AHI1: variants seen among roughly 807,000 people sequenced by gnomAD.
AHI1 encodes Abelson helper integration site 1, also known as jouberin.
AHI1 carries 123 observed loss-of-function variants against 149.3 expected under a neutral mutation model. That is an observed-to-expected ratio of 0.82 (90% confidence interval 0.71 to 0.96). AHI1 has a LOEUF of 0.96. AHI1 is among the 40% of genes least tolerant of loss of function. AHI1 has a pLI of 0.00. For synonymous variants in AHI1, 475 were observed against 459.8 expected, an observed-to-expected ratio of 1.03 and a Z score of -0.42; for missense variants, 1,439 against 1,422.7, an observed-to-expected ratio of 1.01 and a Z score of -0.18.
intron 20 of AHI1, among the ~76,000 whole-genome samples, chr6:135,422,227 T>C (rs1221572685): frequency 6.6e-6 from 1 of 152,142 alleles, no homozygotes; most frequent in Non-Finnish European, 1.5e-5. Context: ...TATATTAAAA[T>C]TTAATGAGGC....
intron 24 of AHI1, among the ~76,000 whole-genome samples, chr6:135,325,584 A>G (rs1160368103): frequency 1.3e-5 from 2 of 152,220 alleles, no homozygotes; most frequent in African/African-American, 2.4e-5. Flanking sequence ...GAGGTATTTG[A>G]TGTCCAGAGA....
At chr6:135,330,022 C>A (rs1788302826) in intron 24 of AHI1, among the ~76,000 whole-genome samples, 1 of 152,218 alleles carries the variant, frequency 6.6e-6, no homozygotes, top group Non-Finnish European at 1.5e-5. Flanking sequence ...ATAAAGAGTT[C>A]TTTCTTATGG....
intron 24 of AHI1, among the ~76,000 whole-genome samples, chr6:135,327,373 C>G (rs1431418821): frequency 1.3e-5 from 2 of 152,224 alleles, no homozygotes; most frequent in African/African-American, 4.8e-5. Context: ...ACTCTACAAC[C>G]AGCATCCTTG....
At chr6:135,446,919 A>T in intron 13 of AHI1, 89 bp downstream of exon 13, 1 of 1,319,860 alleles carries the variant, frequency 7.6e-7, no homozygotes, top group South Asian at 1.9e-5. Context: ...AAGCATTTTA[A>T]GTAGTAAGCT....
In AHI1 at chr6:135,431,282, C is replaced by A. The variant is rs755688765; in HGVS notation, c.2299G>T (p.Val767Leu). The change falls in exon 17 of 29, where the codon GTG (valine) becomes TTG (leucine). Residue 767 changes from valine to leucine, a missense_variant. By Grantham distance (32) the Val-to-Leu change is conservative. Coordinates refer to ENST00000265602, the MANE Select transcript of AHI1 (RefSeq NM_001134831.2). ...ACATAGGTATTCCAAACAACAATCA[C>A]CCCTGTACAATCTCCTGAATACATA... is the stretch of plus-strand genomic sequence containing the variant. ...HHMYSGDCTG[V>L]IVVWNTYVKI... 3.1e-5 allele frequency: 50 copies of A among 1,607,980 alleles called. No individual in the cohort carries two copies. The Middle Eastern group carries it at 6.6e-4, about 21-fold the overall frequency.
intron 2 of AHI1, among the ~76,000 whole-genome samples, 199 bp downstream of exon 2, chr6:135,496,989 G>A (rs1046584610): frequency 3.7e-4 from 56 of 152,298 alleles, no homozygotes; most frequent in African/African-American, 1.3e-3. Context: ...TGCAACAGGT[G>A]AAAAAATCGT....
chr6:135,420,507 C>A lies in AHI1; in HGVS notation c.2764+6660G>T, dbSNP rs1442979403. Among the ~76,000 whole-genome samples, 5 of 152,286 alleles carry A rather than the reference C, an allele frequency of 3.3e-5. No homozygotes were observed. In the East Asian group the frequency reaches 9.6e-4, roughly 29 times the overall value. On this transcript the variant is annotated intron_variant, in intron 20 of 28. Coordinates refer to ENST00000265602, the MANE Select transcript of AHI1 (RefSeq NM_001134831.2). ...TCATCAATGATCTCAGCTAGATCTT[C>A]TGGATAACTTGCTACAGCTTCTAGA...
Position 135,466,101 on chromosome 6 carries a change from G to A in AHI1, c.462C>T (p.His154=), listed in dbSNP as rs1265560624. Residue 154 remains histidine, a synonymous_variant, in exon 7 of 29, where the codon CAC becomes CAT. Coordinates refer to ENST00000265602, the MANE Select transcript of AHI1 (RefSeq NM_001134831.2). ...GCTGTGGCTTTGTATGTGTTTTCTG[G>A]TGTGTAGAATCAACCTTATTCTCAG... ...ETPENKVDST[H]QKTHTKPQPG... 1.2e-6 allele frequency: 2 copies of A among 1,613,820 alleles called. No individual in the cohort carries two copies. Among genetic ancestry groups the A allele is most frequent in the South Asian group, 2.2e-5 (2 of 91,068 alleles).
At chr6:135,348,591 T>C (rs964814353) in intron 24 of AHI1, among the ~76,000 whole-genome samples, 1 of 152,134 alleles carries the variant, frequency 6.6e-6, no homozygotes, top group African/African-American at 2.4e-5. Context: ...GGAAAAAAAA[T>C]TGTTGCCATT....
chr6:135,405,627 G>A (rs1028357747), intron 21 of AHI1, among the ~76,000 whole-genome samples: 16 of 151,992 alleles, frequency 1.1e-4, no homozygotes, highest in East Asian at 1.9e-4. Flanking sequence ...TTGGGAGGCC[G>A]AGGCAGGCAG....
intron 21 of AHI1, among the ~76,000 whole-genome samples, chr6:135,408,731 G>GT (rs1781162981): frequency 6.6e-6 from 1 of 152,102 alleles, no homozygotes; most frequent in African/African-American, 2.4e-5. Flanking sequence ...ATTAAAGAAG[G>GT]TAAGAATAAA....
chr6:135,341,483 T>C (rs750237311), intron 24 of AHI1, among the ~76,000 whole-genome samples: 19 of 152,018 alleles, frequency 1.2e-4, no homozygotes, highest in Non-Finnish European at 2.5e-4. Flanking sequence ...TAATCAATGC[T>C]GTAATAGATG....
intron 20 of AHI1, among the ~76,000 whole-genome samples, chr6:135,414,640 T>C (rs979501043): frequency 2.0e-5 from 3 of 151,830 alleles, no homozygotes; most frequent in Admixed American, 6.6e-5. Context: ...GAAAAGACAA[T>C]TTACTGAAGA....
chr6:135,486,775 GTAT>G (rs1794538756), intron 5 of AHI1, among the ~76,000 whole-genome samples: 4 of 151,898 alleles, frequency 2.6e-5, no homozygotes, highest in Admixed American at 6.6e-5. Context: ...TTTATTATTA[GTAT>G]TATTTTTGAG....
chr6:135,455,653 G>A, intron 10 of AHI1, 81 bp downstream of exon 10: 3 of 1,106,026 alleles, frequency 2.7e-6, no homozygotes, highest in Non-Finnish European at 3.6e-6. Flanking sequence ...TGCCTTACTG[G>A]ACTACTAAAA....
intron 5 of AHI1, chr6:135,490,417 T>A (rs774782668): frequency 1.8e-5 from 12 of 662,416 alleles, no homozygotes; most frequent in Non-Finnish European, 2.9e-5. Flanking sequence ...GTTCTTCCTG[T>A]AGGACAGCAC....
At position 135,378,327 on chromosome 6, in the gene AHI1, TC is replaced by T. The variant is rs1262044194; in HGVS notation, c.3109+16448del. Among the ~76,000 whole-genome samples the T allele has an allele frequency of 4.6e-5, 7 of 152,364 alleles. No individual in the cohort carries two copies. In the South Asian group the frequency reaches 1.0e-3, roughly 23 times the overall value. On this transcript the variant is annotated intron_variant, in intron 23 of 28. Coordinates refer to ENST00000265602, the MANE Select transcript of AHI1 (RefSeq NM_001134831.2). ...ATAAAGTTAGCAGATTTAATAGACT[TC>T]TAAACTAATGCCCAAATAATTTAAT...
intron 17 of AHI1, 145 bp from the exon 18 acceptor site, chr6:135,430,145 C>T (rs963466661): frequency 1.1e-5 from 6 of 543,962 alleles, no homozygotes; most frequent in South Asian, 5.3e-5. Flanking sequence ...TTCTGAGTAA[C>T]GTCAGTTTAG....
At chr6:135,447,532 A>C (rs1787429853) in intron 12 of AHI1, among the ~76,000 whole-genome samples, 1 of 152,202 alleles carries the variant, frequency 6.6e-6, no homozygotes, top group African/African-American at 2.4e-5. Context: ...TAAAAATCTC[A>C]AGTTTTAAAA....
Sources: allele counts gnomAD v4.1 joint callset (sites outside exome capture counted in the v4.1 genomes callset), GRCh38; gene constraint gnomAD v4.1.1; transcripts MANE v1.5; gene names NCBI Gene and HGNC (gene_info 2026-07-23, HGNC 2026-07-21).